Variants in PMM2 observed in about 807,000 individuals in gnomAD.
PMM2 encodes phosphomannomutase 2.
In PMM2, 35 loss-of-function variants were observed where a neutral mutation model predicts 33.2. The ratio of observed to expected loss-of-function variants is 1.06; its 90% confidence interval spans 0.81 to 1.40. The LOEUF is 1.40. Among genes scored for constraint, PMM2 ranks in the 40% most tolerant of loss-of-function variants. The pLI is 0.00. For missense variants in PMM2, 386 were observed against 306.0 expected (o/e 1.26, Z -1.95); for synonymous variants, 153 against 114.7 (o/e 1.33, Z -2.13).
intron 7 of PMM2, among the ~76,000 whole-genome samples, chr16:8,836,595 G>A (rs1360011354): frequency 6.6e-6 from 1 of 152,034 alleles, no homozygotes. Flanking sequence ...GCAAGGAATT[G>A]CCACTTTTTT....
intron 7 of PMM2, among the ~76,000 whole-genome samples, chr16:8,833,563 G>C (rs527291535): frequency 3.1e-4 from 47 of 151,700 alleles, no homozygotes; most frequent in African/African-American, 9.9e-4. Flanking sequence ...GAGAATGGAC[G>C]ATGTTTCTCA....
At chr16:8,811,511 C>A (rs1297598721) in intron 5 of PMM2, 127 bp from the exon 6 acceptor site, 3 of 721,768 alleles carry the variant, frequency 4.2e-6, no homozygotes, top group East Asian at 2.7e-5. Context: ...CAGAGCAAGA[C>A]CCCCATCTCA....
At position 8,848,260 on chromosome 16, in the gene PMM2, G is replaced by C. The variant is rs1221998806; in HGVS notation, c.*435G>C. 1.1e-4 allele frequency: 25 copies of C among 220,416 alleles called. No individual in the cohort carries two copies. Among genetic ancestry groups the C allele is most frequent in the Non-Finnish European group, 1.3e-4 (14 of 108,136 alleles). The allele number at this position is 220,416 out of a possible 1,614,324, so 13.7% of individuals were successfully genotyped here. ...ATACCAAACATGGGGGTTTGGTAAT[G>C]AGAAACCAGGACAGGCCATCTGCAG... On this transcript the variant is annotated 3_prime_UTR_variant, in exon 8 of 8. Coordinates refer to ENST00000268261, the MANE Select transcript of PMM2 (RefSeq NM_000303.3).
chr16:8,833,570 C>G (rs907697289), intron 7 of PMM2, among the ~76,000 whole-genome samples: 1 of 151,464 alleles, frequency 6.6e-6, no homozygotes, highest in Admixed American at 6.6e-5. Context: ...GACGATGTTT[C>G]TCAGGGCTGC....
chr16:8,816,816 T>C (rs1357489280), intron 7 of PMM2, among the ~76,000 whole-genome samples: 2 of 152,192 alleles, frequency 1.3e-5, no homozygotes, highest in Non-Finnish European at 2.9e-5. Context: ...AAATGTTAAA[T>C]GTCATAGCTA....
At position 8,827,896 on chromosome 16, in the gene PMM2, ATGATATATATT is replaced by A. The variant is rs1211364967; in HGVS notation, c.639+14791_639+14801del. On this transcript the variant is annotated intron_variant, in intron 7 of 7. Coordinates refer to ENST00000268261, the MANE Select transcript of PMM2 (RefSeq NM_000303.3). ...ATATGTTATATAATATATGATATAT[ATGATATATATT>A]ATATATATTATGTTTTATATATAAT... Among the ~76,000 whole-genome samples the A allele has an allele frequency of 4.3e-5, 5 of 115,166 alleles. No individual in the cohort carries two copies. The South Asian group carries it at 7.0e-4, about 16-fold the overall frequency. The allele number at this position is 115,166 out of a possible 152,430, so 75.6% of individuals were successfully genotyped here. A position where few individuals can be genotyped will look rare whatever the true frequency, so the allele number is the denominator to read the frequency against.
At chr16:8,827,738 ATATATATATATATATATATAT>A (rs1567164610) in intron 7 of PMM2, among the ~76,000 whole-genome samples, 37 of 33,172 alleles carry the variant, frequency 1.1e-3, no homozygotes, top group East Asian at 5.5e-3. Flanking sequence ...ATATATATAT[ATATATATATATATATATATAT>A]ATGCACACAT....
At chr16:8,831,916 C>T (rs752918212) in intron 7 of PMM2, among the ~76,000 whole-genome samples, 25 of 152,178 alleles carry the variant, frequency 1.6e-4, no homozygotes, top group Non-Finnish European at 2.6e-4. Flanking sequence ...TCATTCTTCC[C>T]TCCCCCCTTC....
intron 7 of PMM2, among the ~76,000 whole-genome samples, chr16:8,820,638 G>A (rs976860972): frequency 3.3e-5 from 5 of 152,176 alleles, no homozygotes; most frequent in African/African-American, 7.2e-5. Context: ...ACAGGCGTGA[G>A]CCACCACTCC....
chr16:8,831,315 C>T (rs1267516171), intron 7 of PMM2, among the ~76,000 whole-genome samples: 1 of 152,172 alleles, frequency 6.6e-6, no homozygotes, highest in African/African-American at 2.4e-5. Context: ...GTTTCAGTCC[C>T]TGCATCCATA....
intron 1 of PMM2, among the ~76,000 whole-genome samples, chr16:8,800,056 A>G (rs73501493): frequency 0.022 from 3,401 of 152,260 alleles, 121 homozygotes; most frequent in African/African-American, 0.077. Context: ...TATTTTCTAA[A>G]TTTCTAGTAA....
intron 4 of PMM2, chr16:8,809,321 G>A (rs1304078496): frequency 6.6e-6 from 1 of 152,244 alleles, no homozygotes; most frequent in Non-Finnish European, 1.5e-5. Flanking sequence ...TTTAGAACTG[G>A]AAGACACTTT....
chr16:8,821,070 G>T (rs115143559), intron 7 of PMM2, among the ~76,000 whole-genome samples: 238 of 152,272 alleles, frequency 1.6e-3, no homozygotes, highest in African/African-American at 5.5e-3. Flanking sequence ...GCACAGAATG[G>T]ATTCTGTGGA....
At chr16:8,802,187 A>G (rs1440550485) in intron 2 of PMM2, 3 of 475,188 alleles carry the variant, frequency 6.3e-6, no homozygotes, top group South Asian at 3.1e-5. Flanking sequence ...TCTGCCTGGA[A>G]TACTTCTTGC....
At chr16:8,825,558 T>A (rs7199167) in intron 7 of PMM2, among the ~76,000 whole-genome samples, 62,530 of 151,508 alleles carry the variant, frequency 0.41, 13,036 homozygotes, top group Non-Finnish European at 0.45. Flanking sequence ...TGACCCCACG[T>A]GATCGCCCAC....
chr16:8,801,798 G>C lies in PMM2; in HGVS notation c.67-1G>C, dbSNP rs780588364. 1 of 1,595,578 alleles carries C rather than the reference G, an allele frequency of 6.3e-7. No homozygotes were observed. Among genetic ancestry groups the C allele is most frequent in the African/African-American group, 1.4e-5 (1 of 73,980 alleles). ...GTTGTATTTTCTTTCTTGAAATTTA[G>C]AAAATTACCAAAGAAATGGATGACT... On this transcript the variant is annotated splice_acceptor_variant, in intron 1 of 7. Coordinates refer to ENST00000268261, the MANE Select transcript of PMM2 (RefSeq NM_000303.3). LOFTEE classifies it high-confidence loss of function.
chr16:8,845,196 A>G (rs1475937216), intron 7 of PMM2, among the ~76,000 whole-genome samples: 2 of 152,150 alleles, frequency 1.3e-5, no homozygotes, highest in African/African-American at 4.8e-5. Context: ...GTTAAGAGCA[A>G]TGTTTTGCGG....
chr16:8,828,886 G>A (rs1296917057), intron 7 of PMM2, among the ~76,000 whole-genome samples: 2 of 152,218 alleles, frequency 1.3e-5, no homozygotes, highest in Non-Finnish European at 2.9e-5. Flanking sequence ...ATTAATGTGT[G>A]AATACTGACT....
chr16:8,813,840 C>T (rs1022620090), intron 7 of PMM2, among the ~76,000 whole-genome samples: 2 of 146,690 alleles, frequency 1.4e-5, no homozygotes, highest in African/African-American at 5.0e-5. Flanking sequence ...AGCTTTGGGC[C>T]AGCTCCTTTT....
Sources: allele counts gnomAD v4.1 joint callset (sites outside exome capture counted in the v4.1 genomes callset), GRCh38; gene constraint gnomAD v4.1.1; transcripts MANE v1.5; gene names NCBI Gene and HGNC (gene_info 2026-07-23, HGNC 2026-07-21).